The following MAP3K5 variants were observed in gnomAD, a reference collection of about 807,000 sequenced individuals.
MAP3K5 encodes ASK-1.
Under a neutral mutation model 158.7 loss-of-function variants are expected in MAP3K5, and 56 were observed. The observed-to-expected ratio is 0.35, with a 90% CI of 0.28 to 0.44. MAP3K5 has a LOEUF of 0.44. Among genes scored for constraint, MAP3K5 ranks in the 20% least tolerant of loss-of-function variants. MAP3K5 has a pLI of 1.00. For missense variants in MAP3K5, 1,294 were observed against 1,674.8 expected (o/e 0.77, Z 3.97); for synonymous variants, 579 against 601.7 (o/e 0.96, Z 0.55).
intron 1 of MAP3K5, among the ~76,000 whole-genome samples, chr6:136,727,965 G>GA (rs5880306): frequency 4.3e-4 from 58 of 133,752 alleles, no homozygotes; most frequent in East Asian, 4.4e-4. Flanking sequence ...CCGCCTCAAA[G>GA]AAAAAAAAAA....
chr6:136,585,459 C>CTTTCT (rs950421708), intron 23 of MAP3K5, among the ~76,000 whole-genome samples: 29 of 130,792 alleles, frequency 2.2e-4, no homozygotes, highest in Admixed American at 1.5e-3. Flanking sequence ...ATATTGCTTC[C>CTTTCT]TTTCTTTTCT....
At chr6:136,645,552 G>A (rs1194445478) in intron 11 of MAP3K5, among the ~76,000 whole-genome samples, 2 of 152,320 alleles carry the variant, frequency 1.3e-5, no homozygotes, top group Non-Finnish European at 1.5e-5. Context: ...AAAACGCCCT[G>A]CAAATAACTT....
At chr6:136,734,524 A>G (rs1260221450) in intron 1 of MAP3K5, among the ~76,000 whole-genome samples, 2 of 151,206 alleles carry the variant, frequency 1.3e-5, no homozygotes, top group Non-Finnish European at 2.9e-5. Flanking sequence ...TGAAATGGTT[A>G]TATTTCATGA....
chr6:136,760,141 G>C (rs1783684036), intron 1 of MAP3K5, among the ~76,000 whole-genome samples: 2 of 152,188 alleles, frequency 1.3e-5, no homozygotes, highest in Non-Finnish European at 2.9e-5. Flanking sequence ...TGTGGAGAGT[G>C]ATAGAGTATT....
chr6:136,661,447 G>C (rs1338594308), intron 8 of MAP3K5, among the ~76,000 whole-genome samples: 1 of 152,204 alleles, frequency 6.6e-6, no homozygotes, highest in East Asian at 1.9e-4. Flanking sequence ...CCAGGCTGGA[G>C]TGCAGTGGCA....
intron 1 of MAP3K5, among the ~76,000 whole-genome samples, chr6:136,773,312 C>CATGT (rs1784284560): frequency 6.6e-6 from 1 of 152,188 alleles, no homozygotes; most frequent in Non-Finnish European, 1.5e-5. Flanking sequence ...TCCTCGTGAA[C>CATGT]ACATTTCTTT....
chr6:136,716,896 G>A (rs977056360), intron 2 of MAP3K5, among the ~76,000 whole-genome samples: 2 of 152,040 alleles, frequency 1.3e-5, no homozygotes, highest in Non-Finnish European at 2.9e-5. Flanking sequence ...AGTGGCTCAC[G>A]CCTGTGATCC....
At chr6:136,742,907 A>T (rs1295046172) in intron 1 of MAP3K5, among the ~76,000 whole-genome samples, 1 of 152,226 alleles carries the variant, frequency 6.6e-6, no homozygotes, top group Non-Finnish European at 1.5e-5. Context: ...AAACATGTTC[A>T]TGGGGCCAGG....
intron 25 of MAP3K5, among the ~76,000 whole-genome samples, chr6:136,579,511 T>G (rs567104928): frequency 6.6e-6 from 1 of 152,262 alleles, no homozygotes; most frequent in African/African-American, 2.4e-5. Flanking sequence ...ACAAGCAGGA[T>G]GTTCAGGGCT....
chr6:136,618,853 T>C (rs1381565493), intron 15 of MAP3K5, among the ~76,000 whole-genome samples: 1 of 152,216 alleles, frequency 6.6e-6, no homozygotes, highest in South Asian at 2.1e-4. Flanking sequence ...AAACTACACA[T>C]GCGGCAGGCA....
At chr6:136,732,416 C>T (rs1194225542) in intron 1 of MAP3K5, among the ~76,000 whole-genome samples, 1 of 152,086 alleles carries the variant, frequency 6.6e-6, no homozygotes, top group Non-Finnish European at 1.5e-5. Flanking sequence ...CAGAGCGAGG[C>T]TCCGTCTCAA....
At chr6:136,596,394 G>A (rs549516681) in intron 21 of MAP3K5, among the ~76,000 whole-genome samples, 2 of 152,314 alleles carry the variant, frequency 1.3e-5, no homozygotes, top group South Asian at 2.1e-4. Flanking sequence ...GCCAGAGCAG[G>A]CCCAGTGATC....
intron 5 of MAP3K5, 144 bp downstream of exon 5, chr6:136,697,075 T>C (rs1780631364): frequency 1.9e-6 from 1 of 522,744 alleles, no homozygotes; most frequent in Non-Finnish European, 3.2e-6. Flanking sequence ...CATAAAATTA[T>C]AGGATGGAAA....
intron 1 of MAP3K5, among the ~76,000 whole-genome samples, chr6:136,773,980 G>T (rs995484497): frequency 1.3e-5 from 2 of 152,022 alleles, no homozygotes; most frequent in African/African-American, 4.8e-5. Flanking sequence ...AAATGCCAGT[G>T]TTTCCTTAGT....
intron 21 of MAP3K5, among the ~76,000 whole-genome samples, chr6:136,599,320 C>A (rs1775775748): frequency 6.6e-6 from 1 of 152,040 alleles, no homozygotes; most frequent in Non-Finnish European, 1.5e-5. Flanking sequence ...TTGGGGACTG[C>A]CCCTTTTTCT....
intron 1 of MAP3K5, among the ~76,000 whole-genome samples, chr6:136,763,988 G>C (rs1468095506): frequency 6.6e-6 from 1 of 152,042 alleles, no homozygotes; most frequent in Non-Finnish European, 1.5e-5. Flanking sequence ...CTTGACCTTG[G>C]ACTTCTCCAC....
chr6:136,588,130 A>C (rs1418428682), intron 23 of MAP3K5, among the ~76,000 whole-genome samples: 1 of 152,088 alleles, frequency 6.6e-6, no homozygotes, highest in Non-Finnish European at 1.5e-5. Flanking sequence ...AGAGGCCTTC[A>C]CTCTGCAGTG....
intron 24 of MAP3K5, among the ~76,000 whole-genome samples, chr6:136,582,218 GTGAA>G (rs2129075785): frequency 6.6e-6 from 1 of 152,182 alleles, no homozygotes; most frequent in African/African-American, 2.4e-5. Context: ...ATCCTGGACA[GTGAA>G]TGAGCAAGAG....
chr6:136,641,441 T>C (rs1418784191), intron 12 of MAP3K5, among the ~76,000 whole-genome samples: 1 of 152,136 alleles, frequency 6.6e-6, no homozygotes, highest in African/African-American at 2.4e-5. Context: ...TCTGCAAGAG[T>C]TGATTTAGCA....
Sources: allele counts gnomAD v4.1 joint callset (sites outside exome capture counted in the v4.1 genomes callset), GRCh38; gene constraint gnomAD v4.1.1; transcripts MANE v1.5; gene names NCBI Gene and HGNC (gene_info 2026-07-23, HGNC 2026-07-21).